The following TRPM7 variants were observed in gnomAD, a reference collection of about 807,000 sequenced individuals.
TRPM7 encodes the protein transient receptor potential cation channel subfamily M member 7, also known as LTRPC ion channel family member 7.
Under a neutral mutation model 229.7 loss-of-function variants are expected in TRPM7, and 134 were observed. The observed-to-expected ratio is 0.58, with a 90% CI of 0.51 to 0.67. TRPM7 has a LOEUF of 0.67. Among genes scored for constraint, TRPM7 ranks in the 30% least tolerant of loss-of-function variants. The pLI, the probability that TRPM7 is intolerant of heterozygous loss-of-function variation, is 0.00. For missense variants in TRPM7, 1,901 were observed against 2,210.0 expected (o/e 0.86, Z 2.80); for synonymous variants, 699 against 715.2 (o/e 0.98, Z 0.36).
At chr15:50,569,265 T>C (rs1206930170) in intron 38 of TRPM7, among the ~76,000 whole-genome samples, 1 of 152,140 alleles carries the variant, frequency 6.6e-6, no homozygotes, top group East Asian at 1.9e-4. Context: ...AACCACAGGT[T>C]TGTGCTTTAA....
intron 15 of TRPM7, among the ~76,000 whole-genome samples, 196 bp downstream of exon 15, chr15:50,613,501 CAAAAAAAAAA>C (rs67505794): frequency 2.5e-4 from 16 of 62,822 alleles, no homozygotes; most frequent in Non-Finnish European, 3.4e-4. Context: ...ACTCCTGTCT[CAAAAAAAAAA>C]AAAAAAAAAA....
At chr15:50,673,761 TATA>T (rs1567122854) in intron 1 of TRPM7, among the ~76,000 whole-genome samples, 1 of 152,198 alleles carries the variant, frequency 6.6e-6, no homozygotes, top group Non-Finnish European at 1.5e-5. Context: ...ATCTTTTTCT[TATA>T]ATGACTTATT....
chr15:50,570,163 T>C lies in TRPM7; in HGVS notation c.5309-8A>G, dbSNP rs774955605. The C allele has an allele frequency of 6.3e-7, 1 of 1,582,064 alleles. No individual in the cohort carries two copies. Among genetic ancestry groups the C allele is most frequent in the Non-Finnish European group, 8.6e-7 (1 of 1,162,116 alleles). ...TCAAATTTTCACCAACACCTTTATA[T>C]GTGTATATAAAAAAGACAAATAATT... On this transcript the variant is annotated splice_region_variant and splice_polypyrimidine_tract_variant and intron_variant, in intron 36 of 38. Transcript: ENST00000646667.
chr15:50,679,511 A>ATATAT (rs2062184777), intron 1 of TRPM7, among the ~76,000 whole-genome samples: 1 of 75,438 alleles, frequency 1.3e-5, no homozygotes, highest in South Asian at 3.9e-4. Context: ...GTATATATAT[A>ATATAT]ATATATATAT....
chr15:50,639,627 C>T (rs186319358), intron 5 of TRPM7, 79 bp from the exon 6 acceptor site: 78 of 1,331,590 alleles, frequency 5.9e-5, no homozygotes, highest in East Asian at 3.1e-4. Context: ...AGAGCAGTGG[C>T]GCAATGACAG....
chr15:50,659,360 A>AT (rs1306312534), intron 2 of TRPM7, among the ~76,000 whole-genome samples: 2 of 152,160 alleles, frequency 1.3e-5, no homozygotes, highest in Non-Finnish European at 2.9e-5. Flanking sequence ...ATAACATCAG[A>AT]TTTTTTATTA....
chr15:50,633,811 T>A (rs962558398), intron 8 of TRPM7, among the ~76,000 whole-genome samples: 2 of 152,226 alleles, frequency 1.3e-5, no homozygotes, highest in African/African-American at 4.8e-5. Context: ...ATGAAACTAC[T>A]ACGTTAAAAG....
chr15:50,600,294 G>A (rs951579271), intron 21 of TRPM7, among the ~76,000 whole-genome samples: 10 of 152,052 alleles, frequency 6.6e-5, no homozygotes, highest in African/African-American at 2.4e-4. Context: ...AAACTTAGCC[G>A]GGCGTGGCGG....
rs1337235972 is a variant in TRPM7 at position 50,592,071 on chromosome 15, A to G, written c.4164T>C (p.Ser1388=). The change falls in exon 26 of 39, where the codon TCT becomes TCC. Residue 1388 remains serine (S), a synonymous_variant. Coordinates refer to ENST00000646667, the MANE Select transcript of TRPM7 (RefSeq NM_017672.6). ...FNKNQKLGSS[S]TSIPHLSSPP... is the part of the protein sequence containing the mutation. The stretch of plus-strand genomic sequence containing the variant: ...GGGATGACAGATGTGGTATGCTAGT[A>G]GATGAACTGCCTAATTTTTGATTTT... 1 of 1,612,920 alleles carries G rather than the reference A, an allele frequency of 6.2e-7. No individual in the cohort carries two copies. The highest frequency in any genetic ancestry group is 8.5e-7 in the Non-Finnish European group (1 of 1,179,752).
chr15:50,614,734 G>A (rs912487122), intron 13 of TRPM7, among the ~76,000 whole-genome samples: 13 of 150,882 alleles, frequency 8.6e-5, no homozygotes, highest in African/African-American at 3.2e-4. Flanking sequence ...TTTACAGAAG[G>A]AAATGCTTGT....
At chr15:50,610,318 T>C (rs982671323) in intron 17 of TRPM7, among the ~76,000 whole-genome samples, 1 of 152,152 alleles carries the variant, frequency 6.6e-6, no homozygotes, top group African/African-American at 2.4e-5. Context: ...AAAGGTGCTA[T>C]GTCCTTAATT....
chr15:50,589,184 T>C (rs2059419070), intron 27 of TRPM7, among the ~76,000 whole-genome samples: 1 of 152,088 alleles, frequency 6.6e-6, no homozygotes, highest in South Asian at 2.1e-4. Flanking sequence ...TAGCCAGGCA[T>C]GGTGATGCGC....
chr15:50,678,343 G>C (rs2062147734), intron 1 of TRPM7, among the ~76,000 whole-genome samples: 1 of 150,644 alleles, frequency 6.6e-6, no homozygotes, highest in African/African-American at 2.4e-5. Context: ...TGCCTGCCAA[G>C]GGTGACCAAC....
At chr15:50,577,416 G>A (rs1472969836) in intron 31 of TRPM7, among the ~76,000 whole-genome samples, 1 of 152,090 alleles carries the variant, frequency 6.6e-6, no homozygotes, top group African/African-American at 2.4e-5. Context: ...ATGTGGTGGT[G>A]CATGCCTGTA....
At chr15:50,578,024 C>T (rs540053843) in intron 31 of TRPM7, among the ~76,000 whole-genome samples, 12 of 152,090 alleles carry the variant, frequency 7.9e-5, no homozygotes, top group South Asian at 2.1e-4. Flanking sequence ...CACTCACACA[C>T]GCACATACAC....
At chr15:50,677,738 CA>C (rs10652951) in intron 1 of TRPM7, among the ~76,000 whole-genome samples, 234 of 38,162 alleles carry the variant, frequency 6.1e-3, no homozygotes, top group African/African-American at 0.018. Context: ...GACCCCGTAT[CA>C]AAAAAAAAAA....
At chr15:50,588,440 T>A (rs57866064) in intron 27 of TRPM7, among the ~76,000 whole-genome samples, 1 of 152,308 alleles carries the variant, frequency 6.6e-6, no homozygotes, top group East Asian at 1.9e-4. Flanking sequence ...CAAAATATGA[T>A]AATAAAAATA....
At chr15:50,583,786 C>G (rs1162874441) in intron 28 of TRPM7, among the ~76,000 whole-genome samples, 1 of 152,026 alleles carries the variant, frequency 6.6e-6, no homozygotes, top group East Asian at 1.9e-4. Context: ...GTTGTTCAGG[C>G]TGGTCTCAAA....
intron 1 of TRPM7, among the ~76,000 whole-genome samples, chr15:50,670,326 C>T (rs2061961982): frequency 6.6e-6 from 1 of 151,882 alleles, no homozygotes; most frequent in Non-Finnish European, 1.5e-5. Flanking sequence ...TGCTGGGCTG[C>T]ATTCCCAGTA....
Sources: allele counts gnomAD v4.1 joint callset (sites outside exome capture counted in the v4.1 genomes callset), GRCh38; gene constraint gnomAD v4.1.1; transcripts MANE v1.5; gene names NCBI Gene and HGNC (gene_info 2026-07-23, HGNC 2026-07-21).